MED15: variants seen among roughly 807,000 people sequenced by gnomAD.
MED15 encodes mediator complex subunit 15.
MED15 carries 41 observed loss-of-function variants against 118.7 expected under a neutral mutation model. That is an observed-to-expected ratio of 0.35 (90% CI 0.27 to 0.45). MED15 has a LOEUF of 0.45. Ranked by LOEUF, MED15 falls within the 20% of genes least tolerant of loss-of-function variation. The probability of loss-of-function intolerance (pLI) is 1.00; values close to 1 mark genes in which losing one functional copy is unlikely to be tolerated. For missense variants in MED15, 740 were observed against 1,025.5 expected (o/e 0.72, Z 3.80); for synonymous variants, 436 against 413.9 (o/e 1.05, Z -0.65).
At chr22:20,585,386 C>T in intron 16 of MED15, 119 bp downstream of exon 16, 1 of 1,327,674 alleles carries the variant, frequency 7.5e-7, no homozygotes, top group Non-Finnish European at 1.0e-6. Flanking sequence ...TCACGCCCCG[C>T]CAGGCTGTCT....
At chr22:20,566,435 T>G in intron 6 of MED15, 32 bp from the exon 7 acceptor site, 1 of 1,606,238 alleles carries the variant, frequency 6.2e-7, no homozygotes, top group Non-Finnish European at 8.5e-7. Flanking sequence ...GGCAGATGAG[T>G]GATAACCGAG....
chr22:20,532,381 C>G (rs1569186055), intron 1 of MED15, among the ~76,000 whole-genome samples: 1 of 152,156 alleles, frequency 6.6e-6, no homozygotes, highest in Admixed American at 6.5e-5. Flanking sequence ...TTAAGACACA[C>G]TGTGTTCTGG....
intron 1 of MED15, among the ~76,000 whole-genome samples, chr22:20,526,185 C>T (rs2054639799): frequency 6.6e-6 from 1 of 152,118 alleles, no homozygotes; most frequent in Non-Finnish European, 1.5e-5. Flanking sequence ...CACACTCGGC[C>T]TCATTTAATT....
rs2056371505 is a variant in MED15 at position 20,564,665 on chromosome 22, T to C, written c.667T>C (p.Leu223=). 10 of 1,613,990 alleles carry C rather than the reference T, an allele frequency of 6.2e-6. No homozygotes were observed. Among genetic ancestry groups the C allele is most frequent in the African/African-American group, 1.3e-5 (1 of 74,920 alleles). The change falls in exon 6 of 18, where the codon TTG becomes CTG. Residue 223 remains leucine (L), a synonymous_variant. Transcript: ENST00000263205. ...QQQQQQHLIK[L]HHQNQQQIQQ... is the part of the protein sequence containing the mutation. ...GCAGCAGCAGCAGCATCTAATTAAA[T>C]TGCATCATCAAAATCAGCAACAGGT...
chr22:20,557,067 A>C (rs2056041781), intron 5 of MED15, among the ~76,000 whole-genome samples: 1 of 152,152 alleles, frequency 6.6e-6, no homozygotes. Context: ...GCTGCTGTGG[A>C]TATCTGTGTA....
chr22:20,545,689 T>A (rs4821962), intron 2 of MED15, among the ~76,000 whole-genome samples: 85,336 of 151,216 alleles, frequency 0.56, 24,297 homozygotes, highest in Admixed American at 0.69. Flanking sequence ...GCCGTGTGGT[T>A]TCCTTGGGTG....
At chr22:20,575,078 C>G in intron 8 of MED15, 35 bp from the exon 9 acceptor site, 1 of 1,611,192 alleles carries the variant, frequency 6.2e-7, no homozygotes, top group Non-Finnish European at 8.5e-7. Context: ...TTCTTTGTTG[C>G]GATCACCTTG....
chr22:20,552,610 C>A, intron 3 of MED15: 1 of 411,270 alleles, frequency 2.4e-6, no homozygotes, highest in Non-Finnish European at 5.0e-6. Context: ...GAGCAGGAGG[C>A]TCAGGGCCCC....
At chr22:20,546,870 T>C (rs1439797239) in intron 2 of MED15, among the ~76,000 whole-genome samples, 2 of 152,202 alleles carry the variant, frequency 1.3e-5, no homozygotes, top group Non-Finnish European at 2.9e-5. Context: ...TGGGGACTTC[T>C]GCCGGTAAAG....
Position 20,529,929 on chromosome 22 carries a change from G to A in MED15, c.69-7188G>A, listed in dbSNP as rs547658906. ...TTTAGTAGAGACGTTTCACCATGTT[G>A]GCCAGGCTGGTCTCGAACTCCTGAC... is the stretch of plus-strand genomic sequence containing the variant. On this transcript the variant is annotated intron_variant, in intron 1 of 17. Transcript: ENST00000263205. Among the ~76,000 whole-genome samples the A allele has an allele frequency of 2.1e-4, 32 of 152,182 alleles. No homozygotes were observed. The South Asian group carries it at 6.6e-3, about 32-fold the overall frequency.
intron 1 of MED15, among the ~76,000 whole-genome samples, chr22:20,533,217 C>T (rs1399793211): frequency 6.6e-6 from 1 of 152,098 alleles, no homozygotes; most frequent in African/African-American, 2.4e-5. Flanking sequence ...GGGACTTGAC[C>T]TCAGCAGGAG....
intron 1 of MED15, among the ~76,000 whole-genome samples, chr22:20,509,466 C>T (rs999016604): frequency 6.6e-6 from 1 of 151,916 alleles, no homozygotes; most frequent in Non-Finnish European, 1.5e-5. Flanking sequence ...GTGGCATGAC[C>T]TAGTCGGGCG....
chr22:20,550,829 G>T (rs2055738645), intron 2 of MED15, among the ~76,000 whole-genome samples: 1 of 152,262 alleles, frequency 6.6e-6, no homozygotes, highest in Admixed American at 6.5e-5. Context: ...GCATATAGCG[G>T]GCCTTGGCAG....
At chr22:20,554,854 G>A in intron 4 of MED15, 82 bp from the exon 5 acceptor site, 2 of 1,359,498 alleles carry the variant, frequency 1.5e-6, no homozygotes, top group East Asian at 2.3e-5. Context: ...CGAGATCTGT[G>A]CTCTGTGAGC....
At chr22:20,564,823 T>C (rs1601595864) in intron 6 of MED15, 135 bp downstream of exon 6, 3 of 1,431,716 alleles carry the variant, frequency 2.1e-6, no homozygotes, top group Non-Finnish European at 2.9e-6. Flanking sequence ...CCCTTTTCCA[T>C]GGGCTTCTCA....
At chr22:20,568,133 G>A (rs1015410881) in intron 7 of MED15, among the ~76,000 whole-genome samples, 2 of 152,176 alleles carry the variant, frequency 1.3e-5, no homozygotes, top group African/African-American at 4.8e-5. Flanking sequence ...GAGCTACTAC[G>A]CCCTGCCCTC....
chr22:20,541,132 A>G (rs1046042055), intron 2 of MED15, among the ~76,000 whole-genome samples: 23 of 152,036 alleles, frequency 1.5e-4, no homozygotes, highest in Admixed American at 1.3e-3. Flanking sequence ...CCAGCTACTC[A>G]GGAGGCTGAG....
intron 1 of MED15, among the ~76,000 whole-genome samples, chr22:20,525,241 AT>A (rs2054590915): frequency 6.6e-6 from 1 of 151,988 alleles, no homozygotes; most frequent in South Asian, 2.1e-4. Flanking sequence ...CAGTGAGCTG[AT>A]TGCGCCACCA....
intron 2 of MED15, among the ~76,000 whole-genome samples, chr22:20,544,669 AAAAC>A (rs905867164): frequency 2.8e-4 from 43 of 151,904 alleles, no homozygotes; most frequent in Non-Finnish European, 4.0e-4. Flanking sequence ...CTGTCTCAAA[AAAAC>A]AAACAAACAA....
Sources: gnomAD v4.1 joint callset for allele counts (sites outside exome capture counted in the v4.1 genomes callset) on GRCh38, gnomAD v4.1.1 for gene constraint, MANE v1.5 for transcripts, NCBI Gene and HGNC (gene_info 2026-07-23, HGNC 2026-07-21) for gene names.